The following CACNA1E variants were observed in gnomAD, a reference collection of about 807,000 sequenced individuals.
CACNA1E encodes the protein calcium voltage-gated channel subunit alpha1 E.
A neutral mutation model predicts 259.2 loss-of-function variants in CACNA1E; 40 were observed. The observed-to-expected ratio is 0.15, with a 90% CI of 0.12 to 0.20. The LOEUF (loss-of-function observed/expected upper bound fraction) is 0.20, where lower values mean the gene tolerates loss of function less well. Among genes scored for constraint, CACNA1E ranks in the 10% least tolerant of loss-of-function variants. The probability of loss-of-function intolerance (pLI) is 1.00; values close to 1 mark genes in which losing one functional copy is unlikely to be tolerated. For missense variants in CACNA1E, 1,874 were observed against 3,040.1 expected (o/e 0.62, Z 9.02); for synonymous variants, 1,104 against 1,138.5 (o/e 0.97, Z 0.61).
At chr1:181,663,473 A>G (rs1558240860) in intron 7 of CACNA1E, among the ~76,000 whole-genome samples, 2 of 152,154 alleles carry the variant, frequency 1.3e-5, no homozygotes, top group Non-Finnish European at 1.5e-5. Flanking sequence ...ATGTCTTTCC[A>G]TGTATTTGGA....
At chr1:181,667,226 G>A (rs1442446791) in intron 7 of CACNA1E, among the ~76,000 whole-genome samples, 1 of 152,116 alleles carries the variant, frequency 6.6e-6, no homozygotes, top group Admixed American at 6.5e-5. Flanking sequence ...GACAGAAAAT[G>A]AGGATTTCAA....
intron 8 of CACNA1E, among the ~76,000 whole-genome samples, chr1:181,714,944 A>G (rs1349512521): frequency 6.6e-6 from 1 of 152,248 alleles, no homozygotes; most frequent in Non-Finnish European, 1.5e-5. Flanking sequence ...CACTGGCAAG[A>G]GAAGCTAAGG....
At chr1:181,394,006 G>T (rs147407740) in intron 1 of CACNA1E, among the ~76,000 whole-genome samples, 140 of 152,284 alleles carry the variant, frequency 9.2e-4, no homozygotes, top group African/African-American at 2.5e-3. Flanking sequence ...GTAGGGATTG[G>T]CTCCTAGTCT....
intron 6 of CACNA1E, among the ~76,000 whole-genome samples, chr1:181,613,772 T>C (rs1168562029): frequency 2.0e-5 from 3 of 152,228 alleles, no homozygotes; most frequent in Non-Finnish European, 1.5e-5. Context: ...AAATGTCCTT[T>C]GTGGCATATT....
At chr1:181,400,558 C>A (rs1398704659) in intron 1 of CACNA1E, among the ~76,000 whole-genome samples, 2 of 152,168 alleles carry the variant, frequency 1.3e-5, no homozygotes, top group Non-Finnish European at 2.9e-5. Context: ...GATACATGAA[C>A]CCTGTCTCCT....
At chr1:181,512,340 CT>C (rs1327672972) in intron 3 of CACNA1E, among the ~76,000 whole-genome samples, 2 of 152,104 alleles carry the variant, frequency 1.3e-5, no homozygotes, top group African/African-American at 4.8e-5. Context: ...AGGAGTGGTC[CT>C]GTGTGGATGT....
At chr1:181,749,709 T>TTCTA (rs1270101017) in intron 25 of CACNA1E, among the ~76,000 whole-genome samples, 1 of 152,358 alleles carries the variant, frequency 6.6e-6, no homozygotes, top group Non-Finnish European at 1.5e-5. Flanking sequence ...TTGTCATTAT[T>TTCTA]TCTATCTTGA....
intron 2 of CACNA1E, among the ~76,000 whole-genome samples, chr1:181,428,818 C>G (rs1226699355): frequency 6.6e-6 from 1 of 152,140 alleles, no homozygotes; most frequent in African/African-American, 2.4e-5. Flanking sequence ...CATGCACACT[C>G]CTGGAAAGGA....
intron 1 of CACNA1E, among the ~76,000 whole-genome samples, chr1:181,377,148 T>C (rs1371298815): frequency 1.3e-5 from 2 of 152,220 alleles, no homozygotes; most frequent in African/African-American, 2.4e-5. Flanking sequence ...ATGAAAATCA[T>C]GGACAGTTGT....
intron 3 of CACNA1E, among the ~76,000 whole-genome samples, chr1:181,557,600 C>G (rs536033520): frequency 1.4e-4 from 21 of 152,190 alleles, no homozygotes; most frequent in African/African-American, 5.1e-4. Flanking sequence ...TCTGTGCCCT[C>G]GCATCAGGCT....
chr1:181,373,166 AG>A (rs1186427325), intron 1 of CACNA1E, among the ~76,000 whole-genome samples: 2 of 152,088 alleles, frequency 1.3e-5, no homozygotes, highest in Non-Finnish European at 2.9e-5. Context: ...TCAGTTAGGG[AG>A]GAGTTTCTTC....
chr1:181,690,012 G>T (rs1333392337), intron 7 of CACNA1E, among the ~76,000 whole-genome samples: 3 of 152,096 alleles, frequency 2.0e-5, no homozygotes, highest in Admixed American at 6.6e-5. Context: ...GGCTTTTGTT[G>T]CCATTGCTTT....
intron 3 of CACNA1E, among the ~76,000 whole-genome samples, chr1:181,513,782 G>C (rs1164602059): frequency 2.0e-5 from 3 of 152,234 alleles, no homozygotes; most frequent in Non-Finnish European, 4.4e-5. Flanking sequence ...GTCCTTGCCT[G>C]CATGTCCAGG....
intron 5 of CACNA1E, 102 bp from the exon 6 acceptor site, chr1:181,580,493 C>A (rs1651417050): frequency 8.8e-7 from 1 of 1,142,500 alleles, no homozygotes; most frequent in Admixed American, 1.8e-5. Context: ...AGGCCTCTTT[C>A]CGTGGGGGAA....
chr1:181,662,141 A>C (rs1169212520), intron 7 of CACNA1E, among the ~76,000 whole-genome samples: 2 of 152,194 alleles, frequency 1.3e-5, no homozygotes, highest in African/African-American at 4.8e-5. Flanking sequence ...GGGTCACATA[A>C]AAAGCTTATG....
intron 7 of CACNA1E, among the ~76,000 whole-genome samples, chr1:181,671,074 C>T (rs748381191): frequency 2.6e-5 from 4 of 152,174 alleles, no homozygotes; most frequent in Non-Finnish European, 5.9e-5. Context: ...TGCTCTGTCA[C>T]CCATGCTGGA....
At chr1:181,669,726 G>A (rs1050833075) in intron 7 of CACNA1E, among the ~76,000 whole-genome samples, 1 of 152,176 alleles carries the variant, frequency 6.6e-6, no homozygotes, top group Non-Finnish European at 1.5e-5. Flanking sequence ...TGTGATGTCT[G>A]TATTCATCAG....
At chr1:181,779,847 CACA>C (rs1660274919) in intron 38 of CACNA1E, among the ~76,000 whole-genome samples, 2 of 151,666 alleles carry the variant, frequency 1.3e-5, no homozygotes, top group Non-Finnish European at 2.9e-5. Context: ...CACACACACA[CACA>C]GGTCCACCTT....
chr1:181,643,419 A>G (rs956176062), intron 6 of CACNA1E, among the ~76,000 whole-genome samples: 1 of 152,250 alleles, frequency 6.6e-6, no homozygotes, highest in African/African-American at 2.4e-5. Context: ...CCACTTTTGC[A>G]GACCCTGCCA....
Sources: gnomAD v4.1 joint callset for allele counts (sites outside exome capture counted in the v4.1 genomes callset) on GRCh38, gnomAD v4.1.1 for gene constraint, MANE v1.5 for transcripts, NCBI Gene and HGNC (gene_info 2026-07-23, HGNC 2026-07-21) for gene names.